CDIN1: variants seen among roughly 807,000 people sequenced by gnomAD.
The protein encoded by CDIN1 is CDAN1-interacting nuclease 1.
Under a neutral mutation model 45.3 loss-of-function variants are expected in CDIN1, and 33 were observed. The observed-to-expected ratio is 0.73, with a 90% CI of 0.55 to 0.97. The LOEUF is 0.97. CDIN1 is among the 50% of genes least tolerant of loss of function. The pLI is 0.00. For missense variants in CDIN1, 303 were observed against 339.4 expected, an observed-to-expected ratio of 0.89 and a Z score of 0.84; for synonymous variants, 118 against 124.4, an observed-to-expected ratio of 0.95 and a Z score of 0.34.
chr15:36,719,546 A>G (rs2043335752), intron 10 of CDIN1, among the ~76,000 whole-genome samples: 1 of 152,134 alleles, frequency 6.6e-6, no homozygotes, highest in African/African-American at 2.4e-5. Flanking sequence ...GAATTTTTGC[A>G]TCTATGTTTA....
intron 10 of CDIN1, among the ~76,000 whole-genome samples, chr15:36,714,214 A>G (rs1032748918): frequency 5.9e-5 from 9 of 152,192 alleles, no homozygotes; most frequent in African/African-American, 2.2e-4. Context: ...ATTTCATGAA[A>G]TAGAGCATAA....
At chr15:36,770,492 AG>A (rs770319890) in intron 10 of CDIN1, among the ~76,000 whole-genome samples, 2 of 152,042 alleles carry the variant, frequency 1.3e-5, no homozygotes, top group Non-Finnish European at 2.9e-5. Context: ...TCCGTCACCT[AG>A]GCTGGAGTGC....
At chr15:36,803,060 A>G (rs1029867472) in intron 10 of CDIN1, among the ~76,000 whole-genome samples, 5 of 151,942 alleles carry the variant, frequency 3.3e-5, no homozygotes, top group African/African-American at 1.2e-4. Context: ...GGACTCTCAC[A>G]GTTGGGGCAT....
rs1187768691 is a variant in CDIN1 at position 36,755,981 on chromosome 15, A to G, written c.716+46020A>G. ...TATTTCGAGAATATGGGAGAGAACC[A>G]GTGTGCCACACTTACCAGGTCTTTA... On this transcript the variant is annotated intron_variant, in intron 10 of 10. Transcript: ENST00000566621. 4.5e-6 allele frequency: 2 copies of G among 443,916 alleles called. 1 individual carries two copies. The allele number at this position is 443,916 out of a possible 1,614,324, so 27.5% of individuals were successfully genotyped here.
intron 10 of CDIN1, chr15:36,799,062 T>C (rs2054918201): frequency 6.6e-6 from 1 of 152,214 alleles, no homozygotes; most frequent in Admixed American, 6.5e-5. Context: ...GGGTTTGCCT[T>C]TGGCGTGTTT....
intron 4 of CDIN1, among the ~76,000 whole-genome samples, chr15:36,655,286 G>GT (rs1257811738): frequency 1.3e-5 from 2 of 148,352 alleles, no homozygotes; most frequent in South Asian, 2.1e-4. Flanking sequence ...TTCTTTTTTT[G>GT]TTTTTTCCAT....
intron 5 of CDIN1, among the ~76,000 whole-genome samples, chr15:36,663,843 A>G (rs2041124228): frequency 6.6e-6 from 1 of 152,240 alleles, no homozygotes; most frequent in Admixed American, 6.5e-5. Context: ...CTCACTTTGT[A>G]ATAGATCATG....
intron 10 of CDIN1, among the ~76,000 whole-genome samples, chr15:36,713,639 T>G (rs2043130529): frequency 6.6e-6 from 1 of 152,154 alleles, no homozygotes; most frequent in South Asian, 2.1e-4. Context: ...GCAAAGCACT[T>G]TCACAGTGCC....
intron 10 of CDIN1, among the ~76,000 whole-genome samples, chr15:36,765,846 C>T (rs1168183662): frequency 6.6e-6 from 1 of 152,102 alleles, no homozygotes; most frequent in East Asian, 1.9e-4. Flanking sequence ...CACACTACTC[C>T]AAAAGTTTTC....
chr15:36,781,802 C>T (rs1389653056), intron 10 of CDIN1, among the ~76,000 whole-genome samples: 1 of 152,208 alleles, frequency 6.6e-6, no homozygotes, highest in Admixed American at 6.5e-5. Context: ...GTTACTCCCT[C>T]ACTTCTTCAT....
chr15:36,784,074 A>C (rs2054425420), intron 10 of CDIN1, among the ~76,000 whole-genome samples: 1 of 152,236 alleles, frequency 6.6e-6, no homozygotes, highest in African/African-American at 2.4e-5. Flanking sequence ...TCCTTAATAC[A>C]AAGTTGACTT....
intron 1 of CDIN1, among the ~76,000 whole-genome samples, chr15:36,585,546 G>T (rs2037255521): frequency 6.6e-6 from 1 of 152,130 alleles, no homozygotes. Context: ...GAGTACCCTG[G>T]AAGTGATGGT....
At chr15:36,614,548 C>T (rs1199696201) in intron 1 of CDIN1, among the ~76,000 whole-genome samples, 1 of 152,206 alleles carries the variant, frequency 6.6e-6, no homozygotes, top group African/African-American at 2.4e-5. Flanking sequence ...AATTCCACAG[C>T]CCTGAAGCAG....
chr15:36,580,030 C>T, intron 1 of CDIN1, 69 bp downstream of exon 1: 1 of 1,344,134 alleles, frequency 7.4e-7, no homozygotes, highest in Non-Finnish European at 1.0e-6. Flanking sequence ...GCCCAGGCAG[C>T]GCTTAGGAAC....
chr15:36,718,812 C>CTTTTTT (rs3045909), intron 10 of CDIN1, among the ~76,000 whole-genome samples: 245 of 96,644 alleles, frequency 2.5e-3, no homozygotes, highest in South Asian at 4.2e-3. Flanking sequence ...AATTTGTATG[C>CTTTTTT]TTTTTTTTTT....
rs530562323 is a variant in CDIN1, at chr15:36,662,311, G to T, written c.346+4406G>T. On this transcript the variant is annotated intron_variant, in intron 5 of 10. Coordinates refer to ENST00000566621, the MANE Select transcript of CDIN1 (RefSeq NM_001321759.2). ...GGGAATGTGCTTTTCAACATAATGT[G>T]TATAATCCCTGCCTCCACACACACA... Among the ~76,000 whole-genome samples the T allele has an allele frequency of 2.6e-5, 4 of 152,274 alleles. No individual in the cohort carries two copies. In the East Asian group the frequency reaches 5.8e-4, roughly 22 times the overall value.
intron 8 of CDIN1, 48 bp downstream of exon 8, chr15:36,697,438 C>T (rs2042473972): frequency 7.1e-7 from 1 of 1,404,282 alleles, no homozygotes; most frequent in Non-Finnish European, 9.8e-7. Context: ...TCCCTGAGTG[C>T]TTAAATATAT....
At position 36,644,244 on chromosome 15, in the gene CDIN1, G is replaced by T. The variant is rs762909705; in HGVS notation, c.102-34G>T. ...TTTTGTTTCTTTGCCGTGCACTCCA[G>T]TAATTAACTTTGTCCTTCTTTTATT... is the stretch of plus-strand genomic sequence containing the variant. On this transcript the variant is annotated intron_variant, in intron 1 of 10. Coordinates refer to ENST00000566621, the MANE Select transcript of CDIN1 (RefSeq NM_001321759.2). 3 of 1,609,208 alleles carry T rather than the reference G, an allele frequency of 1.9e-6. No individual in the cohort carries two copies. In the South Asian group the frequency reaches 3.3e-5, roughly 18 times the overall value.
At chr15:36,583,749 GC>G (rs1172601408) in intron 1 of CDIN1, among the ~76,000 whole-genome samples, 1 of 152,174 alleles carries the variant, frequency 6.6e-6, no homozygotes, top group Non-Finnish European at 1.5e-5. Context: ...GGGCACTGTG[GC>G]TCAAGCCTGT....
Sources: allele counts gnomAD v4.1 joint callset (sites outside exome capture counted in the v4.1 genomes callset), GRCh38; gene constraint gnomAD v4.1.1; transcripts MANE v1.5; gene names NCBI Gene and HGNC (gene_info 2026-07-23, HGNC 2026-07-21).